Variants in PCED1B observed in about 807,000 individuals in gnomAD.
The protein encoded by PCED1B is PC-esterase domain containing 1B.
For synonymous variants in PCED1B, 251 were observed against 246.1 expected, an observed-to-expected ratio of 1.02 and a Z score of -0.19; for missense variants, 573 against 573.9, an observed-to-expected ratio of 1.00 and a Z score of 0.02.
chr12:47,217,480 GAA>G (rs149469887), intron 3 of PCED1B, among the ~76,000 whole-genome samples: 1 of 109,752 alleles, frequency 9.1e-6, no homozygotes, highest in Non-Finnish European at 1.8e-5. Flanking sequence ...GAGAAAGAAA[GAA>G]AGAAAGAAAG....
intron 2 of PCED1B, among the ~76,000 whole-genome samples, chr12:47,156,388 A>G (rs966874272): frequency 6.6e-6 from 1 of 152,204 alleles, no homozygotes; most frequent in Admixed American, 6.5e-5. Context: ...TGCAAAGCTG[A>G]TAGAAAGATT....
intron 1 of PCED1B, among the ~76,000 whole-genome samples, chr12:47,096,296 T>G (rs1441327639): frequency 6.6e-6 from 1 of 152,194 alleles, no homozygotes; most frequent in Non-Finnish European, 1.5e-5. Flanking sequence ...AAACATGCTC[T>G]GATAATATAA....
At chr12:47,195,328 C>CAAAA (rs11454301) in intron 2 of PCED1B, among the ~76,000 whole-genome samples, 1 of 136,194 alleles carries the variant, frequency 7.3e-6, no homozygotes, top group African/African-American at 2.7e-5. Context: ...GTCTCTGTCT[C>CAAAA]AAAAAAAAAA....
intron 2 of PCED1B, among the ~76,000 whole-genome samples, chr12:47,146,559 A>G (rs1269306440): frequency 3.9e-5 from 6 of 152,230 alleles, no homozygotes. Context: ...AATCTTCAAC[A>G]ACTACCACCC....
chr12:47,130,010 G>A (rs565677658), intron 2 of PCED1B, among the ~76,000 whole-genome samples: 1 of 152,152 alleles, frequency 6.6e-6, no homozygotes, highest in South Asian at 2.1e-4. Context: ...TGACTTCCTT[G>A]TTCCCTTTTC....
chr12:47,185,412 G>A (rs760369308), intron 2 of PCED1B, among the ~76,000 whole-genome samples: 6 of 152,174 alleles, frequency 3.9e-5, no homozygotes, highest in African/African-American at 1.4e-4. Context: ...GCCGAGGAAT[G>A]CCAAGTATTG....
rs148967860 is a variant in PCED1B, at chr12:47,141,115, A to G, written c.-526+36920A>G. ...GATTTGAGTCCTGGCTTTGCTCTTT[A>G]CTAGGTATAGAGCCTTGAGAAGTCC... On this transcript the variant is annotated intron_variant, in intron 2 of 3. Coordinates refer to ENST00000546455, the MANE Select transcript of PCED1B (RefSeq NM_138371.3). 4.3e-4 allele frequency among the ~76,000 whole-genome samples: 66 copies of G among 152,248 alleles called. No individual in the cohort carries two copies. In the East Asian group the frequency reaches 0.011, roughly 26 times the overall value.
intron 2 of PCED1B, among the ~76,000 whole-genome samples, chr12:47,118,019 A>C (rs527942629): frequency 2.6e-5 from 4 of 151,972 alleles, no homozygotes; most frequent in African/African-American, 9.7e-5. Context: ...GTCTGTTCAT[A>C]TCCTTTGCCC....
At chr12:47,087,470 T>C (rs187141144) in intron 1 of PCED1B, among the ~76,000 whole-genome samples, 175 of 152,338 alleles carry the variant, frequency 1.1e-3, no homozygotes, top group Non-Finnish European at 1.9e-3. Flanking sequence ...AGGTCAGCCA[T>C]AATTTAAATT....
At chr12:47,229,833 G>A (rs1312428776) in intron 3 of PCED1B, among the ~76,000 whole-genome samples, 2 of 151,640 alleles carry the variant, frequency 1.3e-5, no homozygotes, top group Non-Finnish European at 2.9e-5. Flanking sequence ...GCAGTGGCGC[G>A]ATCTTGGCTC....
intron 1 of PCED1B, among the ~76,000 whole-genome samples, chr12:47,085,758 T>G (rs1299302657): frequency 6.6e-6 from 1 of 152,258 alleles, no homozygotes; most frequent in African/African-American, 2.4e-5. Context: ...TTTCCTTATC[T>G]GTACATCCTA....
chr12:47,172,478 A>T (rs1941784753), intron 2 of PCED1B, among the ~76,000 whole-genome samples: 1 of 152,066 alleles, frequency 6.6e-6, no homozygotes. Context: ...CCTATCTCAA[A>T]AAGAAATTCT....
intron 1 of PCED1B, among the ~76,000 whole-genome samples, chr12:47,094,461 G>T (rs930228908): frequency 6.6e-6 from 1 of 151,590 alleles, no homozygotes; most frequent in Non-Finnish European, 1.5e-5. Flanking sequence ...TTTCTATTGT[G>T]CTCTTTTCTT....
intron 2 of PCED1B, among the ~76,000 whole-genome samples, chr12:47,112,868 C>A (rs1461635317): frequency 2.6e-5 from 4 of 152,176 alleles, no homozygotes; most frequent in African/African-American, 9.7e-5. Flanking sequence ...AGTAAAGAGC[C>A]TCAGCCTGCA....
rs531889657 is a variant in PCED1B, at chr12:47,137,684, T to A, written c.-526+33489T>A. ...TTGAGGCTGCATTGAGCTGAAATCA[T>A]GCCACTGCACTCCAGCCTGGGTGAC... On this transcript the variant is annotated intron_variant, in intron 2 of 3. Transcript: ENST00000546455. Among the ~76,000 whole-genome samples the A allele has an allele frequency of 5.0e-5, 7 of 141,256 alleles. No homozygotes were observed. The East Asian group carries it at 1.4e-3, about 29-fold the overall frequency. 92.7% of individuals were successfully genotyped at this position (141,256 alleles called of 152,430 possible).
intron 1 of PCED1B, among the ~76,000 whole-genome samples, chr12:47,090,709 G>C (rs1938226458): frequency 6.6e-6 from 1 of 151,950 alleles, no homozygotes; most frequent in Non-Finnish European, 1.5e-5. Flanking sequence ...ATGCTTTTTT[G>C]TGTCTGGTTT....
intron 2 of PCED1B, chr12:47,208,432 C>T (rs145827644): frequency 0.2 from 31,134 of 152,072 alleles, 4,092 homozygotes; most frequent in Non-Finnish European, 0.3. Context: ...GACGGAGTCT[C>T]ACTCTGTCAC....
intron 2 of PCED1B, among the ~76,000 whole-genome samples, chr12:47,194,928 A>G (rs1265425941): frequency 6.6e-6 from 1 of 152,192 alleles, no homozygotes; most frequent in Non-Finnish European, 1.5e-5. Context: ...AGTATTGTGA[A>G]TTATTTATTA....
At chr12:47,133,306 T>C (rs1015307728) in intron 2 of PCED1B, among the ~76,000 whole-genome samples, 1 of 152,204 alleles carries the variant, frequency 6.6e-6, no homozygotes, top group Non-Finnish European at 1.5e-5. Flanking sequence ...AGACTAAAGA[T>C]AATTCTGTCC....
Sources: allele counts gnomAD v4.1 joint callset (sites outside exome capture counted in the v4.1 genomes callset), GRCh38; gene constraint gnomAD v4.1.1; transcripts MANE v1.5; gene names NCBI Gene and HGNC (gene_info 2026-07-23, HGNC 2026-07-21).